Variants in PAPSS1 observed in about 807,000 individuals in gnomAD.
The protein encoded by PAPSS1 is bifunctional 3'-phosphoadenosine 5'-phosphosulfate synthase 1.
A neutral mutation model predicts 72.0 loss-of-function variants in PAPSS1; 50 were observed. That is an observed-to-expected ratio of 0.69 (90% CI 0.55 to 0.88). The LOEUF (loss-of-function observed/expected upper bound fraction) is 0.88, where lower values mean the gene tolerates loss of function less well. PAPSS1 is among the 40% of genes least tolerant of loss of function. PAPSS1 has a pLI of 0.00. For missense variants in PAPSS1, 657 were observed against 782.2 expected, an observed-to-expected ratio of 0.84 and a Z score of 1.91; for synonymous variants, 261 against 263.6, an observed-to-expected ratio of 0.99 and a Z score of 0.09.
At position 107,670,719 on chromosome 4, in the gene PAPSS1, A is replaced by T. The variant is rs572733400; in HGVS notation, c.670-10647T>A. Among the ~76,000 whole-genome samples the T allele has an allele frequency of 2.0e-5, 3 of 152,082 alleles. No individual in the cohort carries two copies. The East Asian group carries it at 5.8e-4, about 30-fold the overall frequency. On this transcript the variant is annotated intron_variant, in intron 5 of 11. Coordinates refer to ENST00000265174, the MANE Select transcript of PAPSS1 (RefSeq NM_005443.5). ...TACTTTTTAAAAAAAATTTTTGGAGACAAGGACAGGATCTCACTATGTTGC... is the reference window on the plus strand; with the variant it reads ...TACTTTTTAAAAAAAATTTTTGGAGTCAAGGACAGGATCTCACTATGTTGC...
At chr4:107,654,027 T>A (rs1726929512) in intron 8 of PAPSS1, among the ~76,000 whole-genome samples, 1 of 152,188 alleles carries the variant, frequency 6.6e-6, no homozygotes, top group Non-Finnish European at 1.5e-5. Context: ...TGCCTTCCAA[T>A]CTCCACACCA....
intron 11 of PAPSS1, among the ~76,000 whole-genome samples, chr4:107,618,429 G>GA (rs370373792): frequency 6.6e-6 from 1 of 151,058 alleles, no homozygotes; most frequent in Non-Finnish European, 1.5e-5. Context: ...ATAGGCAGGA[G>GA]AAAATAAGTG....
chr4:107,649,481 T>C (rs978187149), intron 9 of PAPSS1, among the ~76,000 whole-genome samples: 1 of 152,232 alleles, frequency 6.6e-6, no homozygotes, highest in Non-Finnish European at 1.5e-5. Flanking sequence ...CTTTAAATAC[T>C]CGCTTCACTG....
chr4:107,669,146 C>T (rs1437259166), intron 5 of PAPSS1, among the ~76,000 whole-genome samples: 1 of 152,168 alleles, frequency 6.6e-6, no homozygotes, highest in Non-Finnish European at 1.5e-5. Context: ...ACTGAATTTG[C>T]TACCCCTGGA....
chr4:107,718,057 C>T (rs1029224430), intron 1 of PAPSS1, among the ~76,000 whole-genome samples: 3 of 152,324 alleles, frequency 2.0e-5, no homozygotes, highest in Non-Finnish European at 4.4e-5. Context: ...CATCTGGGTC[C>T]TACCAGGGTC....
chr4:107,663,367 A>G (rs1727237941), intron 5 of PAPSS1, among the ~76,000 whole-genome samples: 1 of 152,172 alleles, frequency 6.6e-6, no homozygotes, highest in Non-Finnish European at 1.5e-5. Context: ...GTGTCTCCCC[A>G]GTTGTTTAAA....
intron 11 of PAPSS1, among the ~76,000 whole-genome samples, chr4:107,621,697 T>C (rs901150393): frequency 7.4e-6 from 1 of 135,838 alleles, no homozygotes; most frequent in Non-Finnish European, 1.6e-5. Flanking sequence ...ATCAGCTCAC[T>C]GCAAGCTCCA....
chr4:107,681,738 G>T (rs1324364058), intron 5 of PAPSS1, among the ~76,000 whole-genome samples: 1 of 152,072 alleles, frequency 6.6e-6, no homozygotes, highest in African/African-American at 2.4e-5. Context: ...TTTTCTGTTA[G>T]GTATTTTTCT....
intron 4 of PAPSS1, among the ~76,000 whole-genome samples, chr4:107,684,093 A>G (rs1722709662): frequency 6.6e-6 from 1 of 152,168 alleles, no homozygotes; most frequent in Non-Finnish European, 1.5e-5. Flanking sequence ...TAATACAAAC[A>G]CACTCCCAGT....
intron 10 of PAPSS1, among the ~76,000 whole-genome samples, chr4:107,638,446 A>AT (rs574161823): frequency 1.8e-4 from 28 of 152,254 alleles, no homozygotes; most frequent in African/African-American, 6.0e-4. Context: ...TAAGAGCTGC[A>AT]TTTTTTTCAG....
chr4:107,690,923 C>T (rs1473420607), intron 3 of PAPSS1, among the ~76,000 whole-genome samples: 1 of 151,940 alleles, frequency 6.6e-6, no homozygotes, highest in African/African-American at 2.4e-5. Context: ...TGCAAGATTC[C>T]CACCAGAAGG....
At position 107,614,080 on chromosome 4, in the gene PAPSS1, G is replaced by A; in HGVS notation, c.*169C>T. ...TTAAAACCATCAGTGTGTTACACTT[G>A]TTCAAAACAGAACTCATAAGGCAGA... On this transcript the variant is annotated 3_prime_UTR_variant, in exon 12 of 12. Transcript: ENST00000265174. 1 of 510,158 alleles carries A rather than the reference G, an allele frequency of 2.0e-6. No homozygotes were observed. Among genetic ancestry groups the A allele is most frequent in the Non-Finnish European group, 3.5e-6 (1 of 288,250 alleles). 31.6% of individuals were successfully genotyped at this position (510,158 alleles called of 1,614,324 possible).
chr4:107,677,974 G>A (rs1466973042), intron 5 of PAPSS1, among the ~76,000 whole-genome samples: 1 of 152,108 alleles, frequency 6.6e-6, no homozygotes, highest in Non-Finnish European at 1.5e-5. Flanking sequence ...CTCATAGGTG[G>A]GAATTGAACA....
intron 1 of PAPSS1, among the ~76,000 whole-genome samples, chr4:107,703,700 G>A: frequency 6.6e-6 from 1 of 152,104 alleles, no homozygotes; most frequent in Admixed American, 6.5e-5. Context: ...TTTCTGCTCT[G>A]TTGTATGGTT....
chr4:107,657,727 AGAGT>A (rs1727058307), intron 6 of PAPSS1, among the ~76,000 whole-genome samples: 2 of 150,400 alleles, frequency 1.3e-5, no homozygotes, highest in Admixed American at 1.3e-4. Context: ...CCTGGGCAGT[AGAGT>A]GAGACCATGT....
intron 1 of PAPSS1, among the ~76,000 whole-genome samples, chr4:107,710,285 T>C (rs1295976022): frequency 1.3e-5 from 2 of 152,198 alleles, no homozygotes; most frequent in East Asian, 1.9e-4. Flanking sequence ...TTAGTGCTTC[T>C]TACTTAATAG....
chr4:107,675,407 C>T (rs1290296103), intron 5 of PAPSS1, among the ~76,000 whole-genome samples: 1 of 152,194 alleles, frequency 6.6e-6, no homozygotes, highest in African/African-American at 2.4e-5. Flanking sequence ...CTATCAACAC[C>T]TCTACACAAA....
At chr4:107,641,129 T>A (rs537959149) in intron 10 of PAPSS1, among the ~76,000 whole-genome samples, 18 of 152,344 alleles carry the variant, frequency 1.2e-4, no homozygotes, top group Non-Finnish European at 1.9e-4. Context: ...TCAGTGTCCA[T>A]CCTTACCAGG....
chr4:107,681,332 G>GT (rs1159088689), intron 5 of PAPSS1, among the ~76,000 whole-genome samples: 3 of 152,108 alleles, frequency 2.0e-5, no homozygotes, highest in Non-Finnish European at 4.4e-5. Flanking sequence ...CCACATAGAG[G>GT]CCAGATCCTC....
Sources: gnomAD v4.1 joint callset for allele counts (sites outside exome capture counted in the v4.1 genomes callset) on GRCh38, gnomAD v4.1.1 for gene constraint, MANE v1.5 for transcripts, NCBI Gene and HGNC (gene_info 2026-07-23, HGNC 2026-07-21) for gene names.